GPC3: variants seen among roughly 807,000 people sequenced by gnomAD.
GPC3 encodes glypican 3.
A neutral mutation model predicts 34.4 loss-of-function variants in GPC3; 3 were observed. The ratio of observed to expected loss-of-function variants is 0.09; its 90% CI spans 0.04 to 0.23. The LOEUF is 0.23. Among genes scored for constraint, GPC3 ranks in the 10% least tolerant of loss-of-function variants. The pLI, the probability that GPC3 is intolerant of heterozygous loss-of-function variation, is 1.00. For missense variants in GPC3, 351 were observed against 445.6 expected (o/e 0.79, Z 1.91); for synonymous variants, 177 against 174.0 (o/e 1.02, Z -0.13).
At chrX:133,908,945 A>G (rs919118300) in intron 2 of GPC3, among the ~76,000 whole-genome samples, 2 of 112,081 alleles carry the variant, frequency 1.8e-5, no homozygotes, top group Non-Finnish European at 3.8e-5. Context: ...AGTTGAGATC[A>G]TTTTAAATCT....
At chrX:133,929,927 T>C (rs924521294) in intron 2 of GPC3, among the ~76,000 whole-genome samples, 2 of 112,056 alleles carry the variant, frequency 1.8e-5, no homozygotes, top group Non-Finnish European at 3.8e-5. Flanking sequence ...TCGGGCAACA[T>C]TGAATAACTA....
chrX:133,689,446 C>T (rs990394805), intron 5 of GPC3, among the ~76,000 whole-genome samples: 8 of 111,407 alleles, frequency 7.2e-5, no homozygotes, highest in Non-Finnish European at 1.1e-4. Flanking sequence ...TTCTTGGTTC[C>T]AGGGCATCAT....
At chrX:133,704,241 A>T in intron 3 of GPC3, 1 of 1,101,181 alleles carries the variant, frequency 9.1e-7, no homozygotes, top group Non-Finnish European at 1.2e-6. Flanking sequence ...AGAAGATAGG[A>T]TATTTGAAGT....
chrX:133,688,533 T>C (rs1445626916), intron 5 of GPC3, among the ~76,000 whole-genome samples: 1 of 112,091 alleles, frequency 8.9e-6, no homozygotes, highest in Non-Finnish European at 1.9e-5. Flanking sequence ...GATACATCCA[T>C]AGTAGGCTAC....
intron 1 of GPC3, among the ~76,000 whole-genome samples, chrX:133,966,762 C>T (rs748470254): frequency 4.0e-4 from 45 of 112,457 alleles, no homozygotes; most frequent in Non-Finnish European, 6.4e-4. Context: ...TCTATACTAA[C>T]GTGCTCTAGT....
At chrX:133,741,759 A>T (rs761392747) in intron 3 of GPC3, among the ~76,000 whole-genome samples, 1 of 113,140 alleles carries the variant, frequency 8.8e-6, no homozygotes, top group South Asian at 3.6e-4. Context: ...TGTGTGAGGC[A>T]CATAGCAAGT....
At chrX:133,912,485 G>C (rs1045239856) in intron 2 of GPC3, among the ~76,000 whole-genome samples, 3 of 109,715 alleles carry the variant, frequency 2.7e-5, no homozygotes, top group Non-Finnish European at 5.7e-5. Context: ...CAATGAATTG[G>C]GCTTGGGAGA....
chrX:133,578,394 A>G (rs1330899801), intron 7 of GPC3, among the ~76,000 whole-genome samples: 20 of 112,398 alleles, frequency 1.8e-4, no homozygotes, highest in Non-Finnish European at 3.8e-5. Context: ...CAACATGCTT[A>G]CAACCTTTCT....
At chrX:133,615,291 C>A (rs759881119) in intron 6 of GPC3, among the ~76,000 whole-genome samples, 12 of 111,351 alleles carry the variant, frequency 1.1e-4, no homozygotes, top group Non-Finnish European at 2.1e-4. Context: ...CACAAAGATC[C>A]TTTAAAAATA....
At chrX:133,947,851 A>G (rs1184857368) in intron 2 of GPC3, among the ~76,000 whole-genome samples, 17 of 112,052 alleles carry the variant, frequency 1.5e-4, no homozygotes, top group Non-Finnish European at 1.5e-4. Flanking sequence ...AGTTCCTAAA[A>G]TTATCCTATT....
intron 2 of GPC3, among the ~76,000 whole-genome samples, chrX:133,863,515 T>C (rs775928193): frequency 1.8e-5 from 2 of 110,289 alleles, no homozygotes; most frequent in South Asian, 7.8e-4. Context: ...ATTTGAAGAG[T>C]GCTGAGAAGG....
intron 2 of GPC3, among the ~76,000 whole-genome samples, chrX:133,819,998 T>C (rs952870274): frequency 8.9e-6 from 1 of 111,928 alleles, no homozygotes; most frequent in African/African-American, 3.3e-5. Flanking sequence ...TGAACTATTA[T>C]CTTCATTGTC....
intron 7 of GPC3, among the ~76,000 whole-genome samples, chrX:133,542,363 G>A (rs1335920976): frequency 4.5e-5 from 5 of 111,126 alleles, no homozygotes. Flanking sequence ...TGCACAGGGG[G>A]ATCTGGGAGC....
At chrX:133,597,340 G>A (rs188300878) in intron 6 of GPC3, among the ~76,000 whole-genome samples, 3 of 111,360 alleles carry the variant, frequency 2.7e-5, no homozygotes, top group East Asian at 2.8e-4. Context: ...CACACCGCAC[G>A]AAGGGTCCCT....
At chrX:133,592,589 T>C (rs1485438553) in intron 7 of GPC3, among the ~76,000 whole-genome samples, 1 of 110,624 alleles carries the variant, frequency 9.0e-6, no homozygotes, top group Non-Finnish European at 1.9e-5. Context: ...GTGGTCACTT[T>C]ATGTCCTATG....
intron 2 of GPC3, among the ~76,000 whole-genome samples, chrX:133,915,834 C>T (rs143357085): frequency 2.7e-5 from 3 of 112,154 alleles, no homozygotes; most frequent in Non-Finnish European, 1.9e-5. Context: ...AACCAGCAGA[C>T]TGATTCTCAT....
At chrX:133,603,512 C>T (rs1001204972) in intron 6 of GPC3, among the ~76,000 whole-genome samples, 45 of 112,058 alleles carry the variant, frequency 4.0e-4, no homozygotes, top group African/African-American at 1.3e-3. Flanking sequence ...CCTTAGTAAA[C>T]GCTCTTCAAA....
At chrX:133,950,298 G>A (rs906849792) in intron 2 of GPC3, among the ~76,000 whole-genome samples, 10 of 111,973 alleles carry the variant, frequency 8.9e-5, no homozygotes. Context: ...AACCACTGTA[G>A]CAAAGGGCCC....
chrX:133,761,101 G>A (rs991119980), intron 2 of GPC3, among the ~76,000 whole-genome samples: 9 of 110,454 alleles, frequency 8.1e-5, no homozygotes, highest in African/African-American at 2.6e-4. Context: ...CATGATTTAG[G>A]GAGTTTTCAC....
Sources: allele counts gnomAD v4.1 joint callset (sites outside exome capture counted in the v4.1 genomes callset), GRCh38; gene constraint gnomAD v4.1.1; transcripts MANE v1.5; gene names NCBI Gene and HGNC (gene_info 2026-07-23, HGNC 2026-07-21).